EEFSEC: variants seen among roughly 807,000 people sequenced by gnomAD.
The protein encoded by EEFSEC is selenocysteine-specific elongation factor.
Under a neutral mutation model 42.1 loss-of-function variants are expected in EEFSEC, and 43 were observed. The observed-to-expected ratio is 1.02, with a 90% CI of 0.80 to 1.32. EEFSEC has a LOEUF of 1.32. Among genes scored for constraint, EEFSEC ranks in the 40% most tolerant of loss-of-function variants. The pLI, the probability that EEFSEC is intolerant of heterozygous loss-of-function variation, is 0.00. For synonymous variants in EEFSEC, 354 were observed against 339.1 expected (o/e 1.04, Z -0.48); for missense variants, 745 against 803.6 (o/e 0.93, Z 0.88).
At chr3:128,404,527 G>A (rs1448141625) in intron 6 of EEFSEC, among the ~76,000 whole-genome samples, 3 of 152,208 alleles carry the variant, frequency 2.0e-5, no homozygotes, top group African/African-American at 7.2e-5. Flanking sequence ...GAGGGAGACG[G>A]GCTGCCCATG....
At chr3:128,303,418 G>C (rs1412146330) in intron 4 of EEFSEC, among the ~76,000 whole-genome samples, 4 of 152,172 alleles carry the variant, frequency 2.6e-5, no homozygotes, top group Non-Finnish European at 5.9e-5. Flanking sequence ...TACCTGACCT[G>C]ATAGGTGAAA....
intron 1 of EEFSEC, among the ~76,000 whole-genome samples, chr3:128,176,236 G>A (rs1448414693): frequency 1.3e-5 from 2 of 151,556 alleles, no homozygotes; most frequent in African/African-American, 2.4e-5. Flanking sequence ...CTGATACCAC[G>A]TGTAACATAT....
intron 1 of EEFSEC, among the ~76,000 whole-genome samples, chr3:128,155,837 A>C (rs1167399522): frequency 1.3e-5 from 2 of 152,230 alleles, no homozygotes; most frequent in Non-Finnish European, 2.9e-5. Context: ...CAGTAGAGGA[A>C]ATAGAAGTTT....
At chr3:128,325,238 C>T (rs941164357) in intron 4 of EEFSEC, among the ~76,000 whole-genome samples, 4 of 152,224 alleles carry the variant, frequency 2.6e-5, no homozygotes, top group Non-Finnish European at 5.9e-5. Flanking sequence ...TTGAGCCTTG[C>T]TGAGGACATC....
At chr3:128,404,573 G>A (rs1187312811) in intron 6 of EEFSEC, among the ~76,000 whole-genome samples, 1 of 152,202 alleles carries the variant, frequency 6.6e-6, no homozygotes, top group African/African-American at 2.4e-5. Flanking sequence ...TACCTGCTCT[G>A]TTTGCAGAAG....
intron 6 of EEFSEC, among the ~76,000 whole-genome samples, chr3:128,375,564 C>T (rs892876174): frequency 1.3e-5 from 2 of 152,244 alleles, no homozygotes; most frequent in Non-Finnish European, 2.9e-5. Context: ...AGCCCTGCAG[C>T]AGCCCATAGC....
chr3:128,267,145 A>G (rs553359903), intron 4 of EEFSEC, among the ~76,000 whole-genome samples: 2 of 152,230 alleles, frequency 1.3e-5, no homozygotes, highest in South Asian at 4.2e-4. Flanking sequence ...AAGGTTTTTG[A>G]TAAGAGTCAG....
At chr3:128,199,274 C>T (rs1030448965) in intron 1 of EEFSEC, among the ~76,000 whole-genome samples, 2 of 152,190 alleles carry the variant, frequency 1.3e-5, no homozygotes, top group African/African-American at 4.8e-5. Context: ...ATGCAAGAGC[C>T]TCCTCACCCC....
chr3:128,273,670 G>A (rs1463526894), intron 4 of EEFSEC, among the ~76,000 whole-genome samples: 2 of 152,222 alleles, frequency 1.3e-5, no homozygotes, highest in South Asian at 2.1e-4. Flanking sequence ...GCTGAGAGCG[G>A]CCTGGACCTG....
intron 4 of EEFSEC, among the ~76,000 whole-genome samples, chr3:128,273,893 C>T (rs1482558640): frequency 6.6e-6 from 1 of 152,180 alleles, no homozygotes; most frequent in Non-Finnish European, 1.5e-5. Context: ...TCAGTCTGGT[C>T]GTGCTTGGTG....
chr3:128,346,276 C>T (rs1376298417), intron 5 of EEFSEC, among the ~76,000 whole-genome samples: 5 of 152,226 alleles, frequency 3.3e-5, no homozygotes, highest in Non-Finnish European at 5.9e-5. Flanking sequence ...TCAGCTGCTT[C>T]GATCAAACAC....
chr3:128,207,368 C>A (rs1235611037), intron 1 of EEFSEC, among the ~76,000 whole-genome samples: 1 of 151,552 alleles, frequency 6.6e-6, no homozygotes, highest in Non-Finnish European at 1.5e-5. Flanking sequence ...CTTGTGGCTC[C>A]CCTAGGAGGT....
At chr3:128,288,617 G>C (rs949224153) in intron 4 of EEFSEC, among the ~76,000 whole-genome samples, 20 of 152,206 alleles carry the variant, frequency 1.3e-4, no homozygotes, top group Non-Finnish European at 2.8e-4. Flanking sequence ...AGTTCTCCTA[G>C]GATACAGCAA....
intron 4 of EEFSEC, among the ~76,000 whole-genome samples, chr3:128,299,003 TG>T (rs1446237052): frequency 6.6e-6 from 1 of 152,248 alleles, no homozygotes; most frequent in East Asian, 1.9e-4. Context: ...ATATCTTGGC[TG>T]TTGTGAATAG....
chr3:128,394,685 C>T (rs2067960387), intron 6 of EEFSEC, among the ~76,000 whole-genome samples: 1 of 152,142 alleles, frequency 6.6e-6, no homozygotes, highest in Admixed American at 6.5e-5. Flanking sequence ...CCACGGGAGG[C>T]CACCAGGAAC....
chr3:128,264,278 G>A (rs1196302478), intron 3 of EEFSEC, among the ~76,000 whole-genome samples: 1 of 152,206 alleles, frequency 6.6e-6, no homozygotes. Flanking sequence ...GGAGCAATGC[G>A]ACAGGGTGTC....
intron 4 of EEFSEC, among the ~76,000 whole-genome samples, chr3:128,285,221 GA>G (rs111423187): frequency 2.0e-4 from 31 of 152,256 alleles, no homozygotes; most frequent in African/African-American, 6.5e-4. Flanking sequence ...CTCACATGAT[GA>G]GATGGGTGAT....
intron 6 of EEFSEC, among the ~76,000 whole-genome samples, chr3:128,387,094 C>T (rs1194137295): frequency 1.3e-5 from 2 of 152,220 alleles, no homozygotes; most frequent in Non-Finnish European, 2.9e-5. Context: ...GCGTGGGCAG[C>T]TCCCTCAGGG....
chr3:128,399,590 GC>G (rs141314224), intron 6 of EEFSEC, among the ~76,000 whole-genome samples: 2,238 of 151,664 alleles, frequency 0.015, 52 homozygotes, highest in African/African-American at 0.051. Flanking sequence ...CAAGGAGCCG[GC>G]CCCCCCCAGC....
Sources: allele counts gnomAD v4.1 joint callset (sites outside exome capture counted in the v4.1 genomes callset), GRCh38; gene constraint gnomAD v4.1.1; transcripts MANE v1.5; gene names NCBI Gene and HGNC (gene_info 2026-07-23, HGNC 2026-07-21).